FSD1: variants seen among roughly 807,000 people sequenced by gnomAD.
FSD1 encodes the protein fibronectin type III and SPRY domain-containing protein 1.
A neutral mutation model predicts 58.2 loss-of-function variants in FSD1; 23 were observed. The ratio of observed to expected loss-of-function variants is 0.40; its 90% confidence interval spans 0.28 to 0.56. FSD1 has a LOEUF of 0.56. FSD1 is among the 20% of genes least tolerant of loss of function. The pLI, the probability that FSD1 is intolerant of heterozygous loss-of-function variation, is 0.54. For missense variants in FSD1, 563 were observed against 670.8 expected, an observed-to-expected ratio of 0.84 and a Z score of 1.78; for synonymous variants, 265 against 263.4, an observed-to-expected ratio of 1.01 and a Z score of -0.06.
chr19:4,319,978 C>T (rs983490694), intron 10 of FSD1, among the ~76,000 whole-genome samples: 5 of 152,050 alleles, frequency 3.3e-5, no homozygotes, highest in Non-Finnish European at 5.9e-5. Context: ...GAACCTGGAT[C>T]TGGGGCCTGG....
intron 8 of FSD1, among the ~76,000 whole-genome samples, 153 bp downstream of exon 8, chr19:4,317,433 G>C (rs142609846): frequency 6.6e-6 from 1 of 152,134 alleles, no homozygotes; most frequent in South Asian, 2.1e-4. Context: ...CTGAGTGTCT[G>C]CTATAACCCT....
intron 3 of FSD1, among the ~76,000 whole-genome samples, chr19:4,306,693 A>G (rs1267732406): frequency 2.0e-5 from 3 of 151,892 alleles, no homozygotes; most frequent in Non-Finnish European, 4.4e-5. Flanking sequence ...ACCTCAGGTG[A>G]TCCTCCTGCC....
At chr19:4,308,517 G>A (rs896762932) in intron 4 of FSD1, among the ~76,000 whole-genome samples, 19 of 152,034 alleles carry the variant, frequency 1.2e-4, no homozygotes, top group African/African-American at 4.6e-4. Context: ...GAGGCCAGGA[G>A]TTTCAGACCA....
intron 7 of FSD1, among the ~76,000 whole-genome samples, chr19:4,312,977 C>G (rs1471129390): frequency 6.6e-6 from 1 of 151,716 alleles, no homozygotes; most frequent in African/African-American, 2.4e-5. Context: ...ACAAAGCAGA[C>G]AATAATCTTT....
At chr19:4,309,920 A>C (rs944250509) in intron 4 of FSD1, among the ~76,000 whole-genome samples, 47 of 144,124 alleles carry the variant, frequency 3.3e-4, no homozygotes, top group African/African-American at 9.6e-4. Flanking sequence ...AAAAAAAAAA[A>C]ACACAAAAAA....
chr19:4,318,245 C>G, intron 8 of FSD1, 101 bp from the exon 9 acceptor site: 2 of 1,480,624 alleles, frequency 1.4e-6, no homozygotes, highest in Non-Finnish European at 1.9e-6. Context: ...GATTCTCTGT[C>G]CCTGTCTTGG....
At position 4,311,884 on chromosome 19, in the gene FSD1, C is replaced by T. The variant is rs762144186; in HGVS notation, c.533C>T (p.Ala178Val). The T allele has an allele frequency of 1.2e-6, 2 of 1,614,190 alleles. No homozygotes were observed. Among genetic ancestry groups the T allele is most frequent in the Non-Finnish European group, 1.7e-6 (2 of 1,180,036 alleles). Residue 178 changes from alanine (A) to valine (V), a missense_variant, in exon 7 of 13, where the codon GCA (alanine) becomes GTA (valine). Transcript: ENST00000221856. ...ATCGACCTGGCTGAGTCCCTGGTGG[C>T]AGATAACTGTGTGACCCTGGTGTGG... ...PVIDLAESLV[A>V]DNCVTLVWRM...
chr19:4,319,292 A>C (rs934156588), intron 10 of FSD1, among the ~76,000 whole-genome samples: 10 of 151,984 alleles, frequency 6.6e-5, no homozygotes, highest in African/African-American at 9.7e-5. Context: ...GCTGGAAAGA[A>C]TCATTGCCTA....
intron 2 of FSD1, 47 bp from the exon 3 acceptor site, chr19:4,306,151 C>T: frequency 6.2e-7 from 1 of 1,613,354 alleles, no homozygotes; most frequent in Non-Finnish European, 8.5e-7. Context: ...GTCTCAGGTT[C>T]CCTCTCTGAA....
intron 10 of FSD1, 126 bp from the exon 11 acceptor site, chr19:4,322,860 G>C (rs1295561730): frequency 3.4e-6 from 4 of 1,176,646 alleles, no homozygotes; most frequent in Non-Finnish European, 4.7e-6. Context: ...TAGGAACCTG[G>C]GGAGTGTCTC....
intron 7 of FSD1, among the ~76,000 whole-genome samples, chr19:4,314,883 A>T (rs1013911146): frequency 3.9e-5 from 6 of 152,202 alleles, no homozygotes; most frequent in Non-Finnish European, 7.3e-5. Flanking sequence ...CAAAGTATAG[A>T]TCTCTTCTGT....
intron 1 of FSD1, 24 bp downstream of exon 1, chr19:4,304,785 G>T (rs1418132112): frequency 9.4e-6 from 3 of 319,302 alleles, no homozygotes; most frequent in Non-Finnish European, 1.7e-5. Flanking sequence ...GGGCAGGGCG[G>T]GCCCGCAGGG....
At chr19:4,311,782 C>A in intron 6 of FSD1, 60 bp from the exon 7 acceptor site, 1 of 1,511,366 alleles carries the variant, frequency 6.6e-7, no homozygotes, top group Non-Finnish European at 9.2e-7. Context: ...CTGCAGCAAG[C>A]CCCCTGCCCC....
intron 10 of FSD1, among the ~76,000 whole-genome samples, chr19:4,321,818 G>A (rs1046975716): frequency 6.0e-5 from 9 of 149,874 alleles, no homozygotes; most frequent in African/African-American, 2.2e-4. Context: ...CTTGGATCCC[G>A]AGGAGTATCT....
chr19:4,313,896 C>G (rs1414605645), intron 7 of FSD1, among the ~76,000 whole-genome samples: 1 of 151,878 alleles, frequency 6.6e-6, no homozygotes, highest in African/African-American at 2.4e-5. Flanking sequence ...GGCATGGTGG[C>G]GGATGCCTGT....
At chr19:4,322,322 C>CTGGGG (rs1971703319) in intron 10 of FSD1, among the ~76,000 whole-genome samples, 1 of 148,208 alleles carries the variant, frequency 6.7e-6, no homozygotes, top group Admixed American at 6.7e-5. Flanking sequence ...GGGCGGATAG[C>CTGGGG]TGGGTCCCCA....
intron 7 of FSD1, among the ~76,000 whole-genome samples, chr19:4,313,984 C>T (rs1237417972): frequency 2.0e-5 from 3 of 151,210 alleles, no homozygotes; most frequent in Non-Finnish European, 2.9e-5. Context: ...GCAGAGATCG[C>T]GCCACTGCAC....
intron 10 of FSD1, among the ~76,000 whole-genome samples, chr19:4,319,363 G>A (rs1971790163): frequency 6.6e-6 from 1 of 152,178 alleles, no homozygotes; most frequent in Non-Finnish European, 1.5e-5. Flanking sequence ...GATCACCTGA[G>A]GGTATGTGGA....
Position 4,310,303 on chromosome 19 carries a change from A to G in FSD1, c.368+8A>G, listed in dbSNP as rs200582682. 26 of 1,613,872 alleles carry G rather than the reference A, an allele frequency of 1.6e-5. No individual in the cohort carries two copies. In the Admixed American group the frequency reaches 2.0e-4, roughly 12 times the overall value. On this transcript the variant is annotated splice_region_variant and intron_variant, in intron 5 of 12. Coordinates refer to ENST00000221856, the MANE Select transcript of FSD1 (RefSeq NM_024333.3). ...CAAGCAAATCAAAGATGGGTAAGAC[A>G]CTGGGGTCTGGCCCCCACCCCACTA...
Sources: allele counts gnomAD v4.1 joint callset (sites outside exome capture counted in the v4.1 genomes callset), GRCh38; gene constraint gnomAD v4.1.1; transcripts MANE v1.5; gene names NCBI Gene and HGNC (gene_info 2026-07-23, HGNC 2026-07-21).